SLC24A3: variants seen among roughly 807,000 people sequenced by gnomAD.
SLC24A3 encodes the protein sodium/potassium/calcium exchanger 3.
In SLC24A3, 28 loss-of-function variants were observed where a neutral mutation model predicts 75.8. That is an observed-to-expected ratio of 0.37 (90% CI 0.27 to 0.51). The LOEUF is 0.51. SLC24A3 is among the 20% of genes least tolerant of loss of function. The pLI, the probability that SLC24A3 is intolerant of heterozygous loss-of-function variation, is 0.94. For synonymous variants in SLC24A3, 372 were observed against 334.1 expected, an observed-to-expected ratio of 1.11 and a Z score of -1.24; for missense variants, 663 against 847.8, an observed-to-expected ratio of 0.78 and a Z score of 2.71.
intron 2 of SLC24A3, among the ~76,000 whole-genome samples, chr20:19,304,317 G>A (rs1984268602): frequency 6.6e-6 from 1 of 152,148 alleles, no homozygotes; most frequent in South Asian, 2.1e-4. Context: ...GCTATTGAGA[G>A]GCTCAGGGGC....
intron 1 of SLC24A3, among the ~76,000 whole-genome samples, chr20:19,239,210 T>C (rs1348852185): frequency 6.6e-6 from 1 of 151,484 alleles, no homozygotes; most frequent in Non-Finnish European, 1.5e-5. Context: ...GCCCTATCCC[T>C]CTCTTATGCT....
chr20:19,295,752 G>A (rs893230244), intron 2 of SLC24A3, among the ~76,000 whole-genome samples: 1 of 151,806 alleles, frequency 6.6e-6, no homozygotes, highest in African/African-American at 2.4e-5. Flanking sequence ...GATTCAGTTT[G>A]CCAGTATTTT....
intron 2 of SLC24A3, among the ~76,000 whole-genome samples, chr20:19,296,344 C>T (rs1984060880): frequency 7.6e-6 from 1 of 132,016 alleles, no homozygotes; most frequent in Non-Finnish European, 1.5e-5. Context: ...ATGTCTCTGT[C>T]TCCTTCAGTT....
chr20:19,410,214 A>G (rs1164496410), intron 2 of SLC24A3, among the ~76,000 whole-genome samples: 1 of 152,160 alleles, frequency 6.6e-6, no homozygotes, highest in African/African-American at 2.4e-5. Context: ...AGAGGCCTAG[A>G]AAAAATACCT....
chr20:19,587,770 A>G (rs890195039), intron 6 of SLC24A3, among the ~76,000 whole-genome samples: 1 of 152,206 alleles, frequency 6.6e-6, no homozygotes, highest in African/African-American at 2.4e-5. Flanking sequence ...TCTCATCTAT[A>G]GAGTGGGTAC....
At chr20:19,429,476 G>A (rs539138358) in intron 2 of SLC24A3, among the ~76,000 whole-genome samples, 3 of 152,162 alleles carry the variant, frequency 2.0e-5, no homozygotes, top group Non-Finnish European at 2.9e-5. Flanking sequence ...GGTAATACAC[G>A]CACTATCTCT....
chr20:19,276,140 C>T (rs890370793), intron 1 of SLC24A3, among the ~76,000 whole-genome samples: 1 of 152,172 alleles, frequency 6.6e-6, no homozygotes, highest in African/African-American at 2.4e-5. Flanking sequence ...GTATCCCCTT[C>T]ACCTTCCCAC....
At chr20:19,225,923 T>C (rs1309748390) in intron 1 of SLC24A3, among the ~76,000 whole-genome samples, 2 of 152,214 alleles carry the variant, frequency 1.3e-5, no homozygotes, top group Non-Finnish European at 2.9e-5. Context: ...GTAATTCCTT[T>C]TTCTTGACTT....
At position 19,613,952 on chromosome 20, in the gene SLC24A3, C is replaced by T. The variant is rs190968718; in HGVS notation, c.612+28408C>T. ...CTTTGCGTTCAACCCGCTTACACCA[C>T]CCTTGTTTGTCCTGGCGCAGACTGT... On this transcript the variant is annotated intron_variant, in intron 6 of 16. Transcript: ENST00000328041. 2.0e-5 allele frequency among the ~76,000 whole-genome samples: 3 copies of T among 152,318 alleles called. No homozygotes were observed. In the East Asian group the frequency reaches 5.8e-4, roughly 29 times the overall value.
intron 2 of SLC24A3, among the ~76,000 whole-genome samples, chr20:19,359,658 C>T (rs1014837903): frequency 6.6e-6 from 1 of 152,220 alleles, no homozygotes; most frequent in African/African-American, 2.4e-5. Context: ...GCCACCCTTA[C>T]AGATTGTAGG....
At chr20:19,378,384 T>C (rs558314619) in intron 2 of SLC24A3, among the ~76,000 whole-genome samples, 9 of 152,314 alleles carry the variant, frequency 5.9e-5, no homozygotes, top group African/African-American at 2.2e-4. Context: ...ACTCCTGTTT[T>C]AAACTCCAAG....
intron 2 of SLC24A3, among the ~76,000 whole-genome samples, chr20:19,446,872 C>T (rs1488937323): frequency 6.6e-6 from 1 of 152,224 alleles, no homozygotes; most frequent in Non-Finnish European, 1.5e-5. Context: ...CAGCTGCAGC[C>T]CATGTCTGCC....
intron 2 of SLC24A3, among the ~76,000 whole-genome samples, chr20:19,505,689 G>A (rs76452093): frequency 0.041 from 6,299 of 152,186 alleles, 358 homozygotes; most frequent in African/African-American, 0.13. Context: ...GGTAATGAGG[G>A]AGCTGGGGTA....
chr20:19,367,979 TAG>T (rs959760763), intron 2 of SLC24A3, among the ~76,000 whole-genome samples: 9 of 152,350 alleles, frequency 5.9e-5, no homozygotes, highest in Middle Eastern at 3.4e-3. Flanking sequence ...GCATAATCTA[TAG>T]AGTTGGAAAG....
intron 6 of SLC24A3, among the ~76,000 whole-genome samples, chr20:19,641,710 A>G (rs2032077101): frequency 6.6e-6 from 1 of 152,178 alleles, no homozygotes; most frequent in Non-Finnish European, 1.5e-5. Context: ...TTAAAACCCC[A>G]GTGGCTGGGC....
At chr20:19,488,734 C>T (rs1165224352) in intron 2 of SLC24A3, among the ~76,000 whole-genome samples, 2 of 152,130 alleles carry the variant, frequency 1.3e-5, no homozygotes, top group African/African-American at 2.4e-5. Context: ...AATGAGATAT[C>T]TTGTGGGTGG....
intron 12 of SLC24A3, among the ~76,000 whole-genome samples, chr20:19,689,421 G>A (rs529679088): frequency 7.9e-5 from 12 of 152,124 alleles, no homozygotes; most frequent in East Asian, 3.9e-4. Context: ...GGCCAGCTCC[G>A]GCCCCTGGCT....
At chr20:19,261,915 GAGATTTATCAGC>G (rs1408856275) in intron 1 of SLC24A3, 1 of 152,252 alleles carries the variant, frequency 6.6e-6, no homozygotes, top group Non-Finnish European at 1.5e-5. Context: ...TGATGTATTG[GAGATTTATCAGC>G]AGCTGTTTCT....
chr20:19,563,374 A>G (rs77049365), intron 3 of SLC24A3, among the ~76,000 whole-genome samples: 4,712 of 152,300 alleles, frequency 0.031, 99 homozygotes, highest in Non-Finnish European at 0.043. Context: ...AGAAACATAC[A>G]AAAGAAACTT....
Sources: gnomAD v4.1 joint callset for allele counts (sites outside exome capture counted in the v4.1 genomes callset) on GRCh38, gnomAD v4.1.1 for gene constraint, MANE v1.5 for transcripts, NCBI Gene and HGNC (gene_info 2026-07-23, HGNC 2026-07-21) for gene names.